DPEP1: variants seen among roughly 807,000 people sequenced by gnomAD.
The protein encoded by DPEP1 is dipeptidase 1, also known as beta-lactamase.
A neutral mutation model predicts 42.3 loss-of-function variants in DPEP1; 50 were observed. The ratio of observed to expected loss-of-function variants is 1.18; its 90% confidence interval spans 0.94 to 1.50. DPEP1 has a LOEUF of 1.50. Ranked by LOEUF, DPEP1 falls within the 40% of genes most tolerant of loss-of-function variation. The probability of loss-of-function intolerance (pLI) is 0.00; values close to 1 mark genes in which losing one functional copy is unlikely to be tolerated. For missense variants in DPEP1, 663 were observed against 553.0 expected (o/e 1.20, Z -1.99); for synonymous variants, 297 against 234.0 (o/e 1.27, Z -2.46).
intron 1 of DPEP1, among the ~76,000 whole-genome samples, chr16:89,625,710 A>G (rs533792509): frequency 1.3e-5 from 2 of 152,274 alleles, no homozygotes; most frequent in African/African-American, 4.8e-5. Context: ...ACAAACTATA[A>G]AACCCCACGG....
chr16:89,617,631 C>T (rs1567978969), intron 1 of DPEP1, among the ~76,000 whole-genome samples: 9 of 143,702 alleles, frequency 6.3e-5, no homozygotes, highest in African/African-American at 2.5e-4. Flanking sequence ...GCGGCTCACA[C>T]CTGTAATCCC....
chr16:89,639,648 C>T (rs1045806236), downstream of DPEP1, among the ~76,000 whole-genome samples: 2 of 151,456 alleles, frequency 1.3e-5, no homozygotes, highest in Admixed American at 1.3e-4. Context: ...GTAAACATGG[C>T]TAAGGGCCCA....
intron 1 of DPEP1, among the ~76,000 whole-genome samples, chr16:89,630,039 A>G (rs1019967569): frequency 6.6e-6 from 1 of 152,150 alleles, no homozygotes; most frequent in Non-Finnish European, 1.5e-5. Flanking sequence ...TAGAGCCAAC[A>G]GCCACTCACC....
intron 1 of DPEP1, among the ~76,000 whole-genome samples, chr16:89,628,462 T>C (rs1325460157): frequency 6.6e-6 from 1 of 150,394 alleles, no homozygotes; most frequent in African/African-American, 2.4e-5. Context: ...TTCACCATGT[T>C]GCCCAGGCTG....
chr16:89,641,220 C>CG (rs58339247), downstream of DPEP1, among the ~76,000 whole-genome samples: 2,480 of 151,810 alleles, frequency 0.016, 47 homozygotes, highest in African/African-American at 0.045. Flanking sequence ...CGGAGGGCTG[C>CG]GGGGGGGGGT....
intron 1 of DPEP1, among the ~76,000 whole-genome samples, chr16:89,627,896 G>C (rs541577526): frequency 2.6e-5 from 4 of 151,540 alleles, no homozygotes; most frequent in African/African-American, 9.7e-5. Context: ...CTAACCTCGT[G>C]ATCCTCCTGC....
rs150789921 is a variant in DPEP1 at position 89,615,280 on chromosome 16, C to T, written c.-107+1561C>T. Among the ~76,000 whole-genome samples the T allele has an allele frequency of 7.2e-3, 1,089 of 152,304 alleles. 14 individuals are homozygous for T. Among genetic ancestry groups the T allele is most frequent in the South Asian group, 0.023 (109 of 4,824 alleles). On this transcript the variant is annotated intron_variant, in intron 1 of 10. Coordinates refer to ENST00000690203, the MANE Select transcript of DPEP1 (RefSeq NM_001389466.1). ...GAGCCCCAAAGCGGCCTCTCAGAGC[C>T]GCCCCTGAGGGGTGGCCTCACAGGT...
chr16:89,617,587 C>CTTGTAAT (rs2059391759), intron 1 of DPEP1, among the ~76,000 whole-genome samples: 1 of 151,772 alleles, frequency 6.6e-6, no homozygotes, highest in African/African-American at 2.4e-5. Context: ...GCGGCTCACA[C>CTTGTAAT]CTGTAATCCC....
intron 2 of DPEP1, among the ~76,000 whole-genome samples, chr16:89,632,380 C>T (rs1051748502): frequency 8.5e-5 from 13 of 152,144 alleles, no homozygotes; most frequent in Admixed American, 3.9e-4. Context: ...GAAGCTGTTA[C>T]GGGACCCACC....
downstream of DPEP1, among the ~76,000 whole-genome samples, chr16:89,640,939 A>G (rs541171615): frequency 6.6e-6 from 1 of 152,340 alleles, no homozygotes; most frequent in Non-Finnish European, 1.5e-5. Flanking sequence ...GGGCAGGGTC[A>G]GGAGTGTGAG....
At chr16:89,637,006 G>T in intron 6 of DPEP1, 71 bp downstream of exon 6, 2 of 1,585,700 alleles carry the variant, frequency 1.3e-6, no homozygotes, top group Admixed American at 1.7e-5. Flanking sequence ...CCAGAACAAT[G>T]CATCTCCTCA....
At chr16:89,619,977 G>A (rs537735793) in intron 1 of DPEP1, among the ~76,000 whole-genome samples, 57 of 143,984 alleles carry the variant, frequency 4.0e-4, no homozygotes, top group Middle Eastern at 3.5e-3. Context: ...GGTGGGGTCC[G>A]GGATAGGCCT....
intron 1 of DPEP1, chr16:89,626,572 A>G (rs902458471): frequency 1.3e-5 from 2 of 151,880 alleles, no homozygotes; most frequent in African/African-American, 4.8e-5. Context: ...CTGGTCTCGA[A>G]CTCCGGACCT....
At chr16:89,624,684 G>A (rs1193658642) in intron 1 of DPEP1, among the ~76,000 whole-genome samples, 4 of 151,976 alleles carry the variant, frequency 2.6e-5, no homozygotes, top group South Asian at 2.1e-4. Context: ...ACAGGCGCCC[G>A]CAACCACGCC....
chr16:89,634,892 T>C (rs1310732162), intron 2 of DPEP1, among the ~76,000 whole-genome samples: 5 of 29,084 alleles, frequency 1.7e-4, no homozygotes, highest in Admixed American at 7.3e-4. Context: ...CCCTTCCTTC[T>C]CCTTTCCCTT....
downstream of DPEP1, chr16:89,638,459 C>T (rs914927925): frequency 1.1e-5 from 14 of 1,301,176 alleles, no homozygotes; most frequent in Non-Finnish European, 1.3e-5. Context: ...CATCGGCATC[C>T]GGCTCAGGAG....
chr16:89,613,928 GGAC>G (rs1567977030), intron 1 of DPEP1, among the ~76,000 whole-genome samples: 6 of 39,782 alleles, frequency 1.5e-4, no homozygotes, highest in Non-Finnish European at 2.6e-4. Flanking sequence ...TAGGAGGCTG[GGAC>G]CAGGTGTGTG....
At chr16:89,635,101 C>T (rs2059654868) in intron 2 of DPEP1, among the ~76,000 whole-genome samples, 1 of 77,770 alleles carries the variant, frequency 1.3e-5, no homozygotes, top group Non-Finnish European at 2.6e-5. Flanking sequence ...CTTCCTTCTC[C>T]TTTCCCTTCC....
chr16:89,637,472 A>G lies in DPEP1; in HGVS notation c.773A>G (p.Gln258Arg), dbSNP rs1347401669. Residue 258 changes from glutamine (Q) to arginine (R), a missense_variant, in exon 8 of 11, where the codon CAG (glutamine) becomes CGG (arginine). Coordinates refer to ENST00000690203, the MANE Select transcript of DPEP1 (RefSeq NM_001389466.1). ...VPDDVLRLVK[Q>R]TDSLVMVNFY... ...CCTGTCTTCCTTCTTGTGCAGAAAC[A>G]GACAGACAGCCTGGTGATGGTGAAC... The G allele has an allele frequency of 9.9e-6, 16 of 1,612,546 alleles. No individual in the cohort carries two copies. The highest frequency in any genetic ancestry group is 1.7e-5 in the Admixed American group (1 of 59,998).
Sources: allele counts gnomAD v4.1 joint callset (sites outside exome capture counted in the v4.1 genomes callset), GRCh38; gene constraint gnomAD v4.1.1; transcripts MANE v1.5; gene names NCBI Gene and HGNC (gene_info 2026-07-23, HGNC 2026-07-21).